ASTN2: variants seen among roughly 807,000 people sequenced by gnomAD.
ASTN2 encodes the protein astrotactin 2, also known as astrotactin-2.
In ASTN2, 54 loss-of-function variants were observed where a neutral mutation model predicts 139.8. That is an observed-to-expected ratio of 0.39 (90% CI 0.31 to 0.48). The LOEUF is 0.48. ASTN2 is among the 20% of genes least tolerant of loss of function. The pLI is 0.95. For missense variants in ASTN2, 1,565 were observed against 1,725.1 expected (o/e 0.91, Z 1.64); for synonymous variants, 756 against 719.5 (o/e 1.05, Z -0.81).
rs904919837 is a variant in ASTN2, at chr9:116,676,341, G to A, written c.2807-24548C>T. Reference sequence around the variant, plus strand: ...ACTAGTCTTAGGCCATAGCAAATCTGGTGTACTTTGTGCTAAGAATTTGTC... The same window carrying A: ...ACTAGTCTTAGGCCATAGCAAATCTAGTGTACTTTGTGCTAAGAATTTGTC... On this transcript the variant is annotated intron_variant, in intron 16 of 22. Transcript: ENST00000313400. 3.3e-5 allele frequency among the ~76,000 whole-genome samples: 5 copies of A among 152,132 alleles called. No individual in the cohort carries two copies. In the South Asian group the frequency reaches 1.0e-3, roughly 32 times the overall value.
intron 17 of ASTN2, among the ~76,000 whole-genome samples, chr9:116,623,941 T>A (rs1237337650): frequency 2.6e-5 from 4 of 152,150 alleles, no homozygotes; most frequent in Non-Finnish European, 5.9e-5. Flanking sequence ...TGTCTCTGTG[T>A]GTTTGAGAGA....
chr9:117,066,323 A>G (rs10983492), intron 5 of ASTN2, among the ~76,000 whole-genome samples: 1 of 141,396 alleles, frequency 7.1e-6, no homozygotes, highest in Non-Finnish European at 1.6e-5. Context: ...CCAATTTCAT[A>G]CATGTCCCTA....
At chr9:116,498,912 C>G (rs1203153981) in intron 19 of ASTN2, among the ~76,000 whole-genome samples, 5 of 152,092 alleles carry the variant, frequency 3.3e-5, no homozygotes, top group Admixed American at 6.5e-5. Flanking sequence ...ACTTCACACA[C>G]GAAGAAAAAA....
At chr9:116,683,089 T>C (rs961254561) in intron 16 of ASTN2, among the ~76,000 whole-genome samples, 3 of 151,734 alleles carry the variant, frequency 2.0e-5, no homozygotes, top group Non-Finnish European at 4.4e-5. Context: ...TGCCCTAAAA[T>C]GTTTTTGTCA....
At chr9:117,310,717 G>C (rs953710377) in intron 1 of ASTN2, among the ~76,000 whole-genome samples, 12 of 151,916 alleles carry the variant, frequency 7.9e-5, no homozygotes, top group African/African-American at 2.9e-4. Flanking sequence ...CTGCAGCCTG[G>C]ACCTCCTAGG....
intron 10 of ASTN2, among the ~76,000 whole-genome samples, chr9:116,879,350 GACA>G (rs1564319231): frequency 1.8e-4 from 7 of 38,680 alleles, no homozygotes; most frequent in African/African-American, 1.3e-3. Flanking sequence ...GACAGAGACA[GACA>G]GACAGACAGA....
At chr9:116,444,638 A>C (rs1847932190) in intron 20 of ASTN2, among the ~76,000 whole-genome samples, 1 of 152,154 alleles carries the variant, frequency 6.6e-6, no homozygotes, top group Non-Finnish European at 1.5e-5. Flanking sequence ...AAAGGGTACC[A>C]CAAGTCAAAA....
intron 19 of ASTN2, among the ~76,000 whole-genome samples, chr9:116,594,397 G>A (rs1854486176): frequency 1.3e-5 from 2 of 152,174 alleles, no homozygotes; most frequent in African/African-American, 4.8e-5. Context: ...CCAGTAATTA[G>A]AACTAGTAGT....
At chr9:116,905,670 A>G (rs1025177112) in intron 10 of ASTN2, among the ~76,000 whole-genome samples, 7 of 152,192 alleles carry the variant, frequency 4.6e-5, no homozygotes, top group African/African-American at 1.7e-4. Context: ...GTAACAAGAC[A>G]CTAAATGTGT....
Position 117,016,630 on chromosome 9 carries a change from A to C in ASTN2, c.1424-8371T>G, listed in dbSNP as rs1355356145. Reference sequence around the variant, plus strand: ...TATATCTATATCTATCTATCTATATATATATATATATATATATATATATAT... The same window carrying C: ...TATATCTATATCTATCTATCTATATCTATATATATATATATATATATATAT... On this transcript the variant is annotated intron_variant, in intron 6 of 22. Transcript: ENST00000313400. 2.3e-3 allele frequency among the ~76,000 whole-genome samples: 37 copies of C among 16,086 alleles called. 4 individuals are homozygous for C. The highest frequency in any genetic ancestry group is 0.062 in the Middle Eastern group (1 of 16). The allele number at this position is 16,086 out of a possible 152,430, so 10.6% of individuals were successfully genotyped here.
chr9:116,549,258 G>GAA (rs200260864), intron 19 of ASTN2, among the ~76,000 whole-genome samples: 7 of 128,444 alleles, frequency 5.4e-5, no homozygotes, highest in Non-Finnish European at 8.4e-5. Flanking sequence ...AATAAAAAAT[G>GAA]AAAAAAAAAA....
At chr9:117,284,018 GT>G (rs1834388314) in intron 2 of ASTN2, among the ~76,000 whole-genome samples, 1 of 152,126 alleles carries the variant, frequency 6.6e-6, no homozygotes, top group Non-Finnish European at 1.5e-5. Flanking sequence ...ATTGTTTTCA[GT>G]TGAATTGGGT....
At chr9:117,002,435 G>T (rs960680713) in intron 7 of ASTN2, among the ~76,000 whole-genome samples, 1 of 152,172 alleles carries the variant, frequency 6.6e-6, no homozygotes, top group Non-Finnish European at 1.5e-5. Flanking sequence ...GGGAATAATT[G>T]TGAGTATGAG....
Position 117,104,557 on chromosome 9 carries a change from T to C in ASTN2, c.1169-8406A>G, listed in dbSNP as rs536904889. Among the ~76,000 whole-genome samples, 3 of 152,292 alleles carry C rather than the reference T, an allele frequency of 2.0e-5. 1 individual carries two copies. In the South Asian group the frequency reaches 6.2e-4, roughly 32 times the overall value. On this transcript the variant is annotated intron_variant, in intron 4 of 22. Transcript: ENST00000313400. ...TATGAACAAAGTTTTAAGAAGCATATAATAAAACATATTTTAAAAACAACA... is the reference window on the plus strand; with the variant it reads ...TATGAACAAAGTTTTAAGAAGCATACAATAAAACATATTTTAAAAACAACA...
At chr9:117,061,782 A>T (rs1344148045) in intron 5 of ASTN2, among the ~76,000 whole-genome samples, 3 of 152,188 alleles carry the variant, frequency 2.0e-5, no homozygotes, top group Admixed American at 1.3e-4. Context: ...CTCTCAATTC[A>T]GTTCTTCAAA....
intron 10 of ASTN2, among the ~76,000 whole-genome samples, chr9:116,876,241 T>C (rs1447297683): frequency 6.6e-6 from 1 of 152,120 alleles, no homozygotes; most frequent in Non-Finnish European, 1.5e-5. Context: ...TAATTACAGA[T>C]GTGAAAATTG....
At chr9:116,591,555 G>A (rs1207026457) in intron 19 of ASTN2, among the ~76,000 whole-genome samples, 1 of 152,166 alleles carries the variant, frequency 6.6e-6, no homozygotes, top group Non-Finnish European at 1.5e-5. Context: ...CTAAGAACAA[G>A]AGAAATAATA....
intron 19 of ASTN2, among the ~76,000 whole-genome samples, chr9:116,600,752 T>G (rs1489854693): frequency 6.6e-6 from 1 of 152,200 alleles, no homozygotes; most frequent in African/African-American, 2.4e-5. Context: ...CCCTTCTTTT[T>G]AAATTCCATA....
At position 117,397,278 on chromosome 9, in the gene ASTN2, A is replaced by C. The variant is rs571015276; in HGVS notation, c.442+17219T>G. Among the ~76,000 whole-genome samples, 10 of 152,276 alleles carry C rather than the reference A, an allele frequency of 6.6e-5. No individual in the cohort carries two copies. The East Asian group carries it at 1.7e-3, about 26-fold the overall frequency. ...TACACTCTTTATTTAAAAATGTACAAAACTTAATGAAATATTCTGCAAATT... is the reference window on the plus strand; with the variant it reads ...TACACTCTTTATTTAAAAATGTACACAACTTAATGAAATATTCTGCAAATT... On this transcript the variant is annotated intron_variant, in intron 1 of 22. Transcript: ENST00000313400.
Sources: allele counts gnomAD v4.1 joint callset (sites outside exome capture counted in the v4.1 genomes callset), GRCh38; gene constraint gnomAD v4.1.1; transcripts MANE v1.5; gene names NCBI Gene and HGNC (gene_info 2026-07-23, HGNC 2026-07-21).